The following TMPRSS12 variants were observed in gnomAD, a reference collection of about 807,000 sequenced individuals.
The protein encoded by TMPRSS12 is transmembrane protease serine 12.
Under a neutral mutation model 26.0 loss-of-function variants are expected in TMPRSS12, and 25 were observed. The ratio of observed to expected loss-of-function variants is 0.96; its 90% CI spans 0.70 to 1.34. The LOEUF is 1.34. Ranked by LOEUF, TMPRSS12 falls within the 40% of genes most tolerant of loss-of-function variation. TMPRSS12 has a pLI of 0.00. For synonymous variants in TMPRSS12, 150 were observed against 161.7 expected (o/e 0.93, Z 0.55); for missense variants, 441 against 440.1 (o/e 1.00, Z -0.02).
At chr12:50,878,095 T>C (rs773800137) in intron 3 of TMPRSS12, among the ~76,000 whole-genome samples, 1 of 151,950 alleles carries the variant, frequency 6.6e-6, no homozygotes, top group Non-Finnish European at 1.5e-5. Context: ...TATTCACAGA[T>C]TGGCCTATCA....
At chr12:50,862,105 G>A (rs907641091) in intron 3 of TMPRSS12, among the ~76,000 whole-genome samples, 22 of 152,206 alleles carry the variant, frequency 1.4e-4, no homozygotes, top group Middle Eastern at 3.4e-3. Flanking sequence ...AGGTGCACCC[G>A]GCCTAATATA....
At chr12:50,876,720 C>T (rs1336660314) in intron 3 of TMPRSS12, among the ~76,000 whole-genome samples, 6 of 142,950 alleles carry the variant, frequency 4.2e-5, no homozygotes, top group East Asian at 2.2e-4. Flanking sequence ...AGGAGAATGG[C>T]GTGAACCTGG....
At chr12:50,856,846 C>T (rs1937882887) in intron 2 of TMPRSS12, among the ~76,000 whole-genome samples, 1 of 59,882 alleles carries the variant, frequency 1.7e-5, no homozygotes. Flanking sequence ...CCACGACATC[C>T]GGCTAATTTT....
intron 2 of TMPRSS12, among the ~76,000 whole-genome samples, chr12:50,851,634 C>A (rs1346335373): frequency 6.6e-6 from 1 of 152,168 alleles, no homozygotes; most frequent in East Asian, 1.9e-4. Flanking sequence ...AGGATACTGT[C>A]CATAAAAATT....
chr12:50,850,164 C>G (rs1937812020), intron 2 of TMPRSS12, among the ~76,000 whole-genome samples: 1 of 152,110 alleles, frequency 6.6e-6, no homozygotes, highest in Admixed American at 6.5e-5. Flanking sequence ...AATGTAATCC[C>G]CAGTATTGGA....
Position 50,858,918 on chromosome 12 carries a change from GCACTTTTT to G in TMPRSS12, c.523_530del (p.Phe175LysfsTer7). 1 of 1,587,880 alleles carries G rather than the reference GCACTTTTT, an allele frequency of 6.3e-7. No individual in the cohort carries two copies. The highest frequency in any genetic ancestry group is 8.6e-7 in the Non-Finnish European group (1 of 1,165,728). ...TTTGGAATCTTATGTAAATGATATT[GCACTTTTT>G]CACTTAAAAAAAGCAGTGAGGTATA... On this transcript the variant is annotated frameshift_variant, in exon 3 of 5. Coordinates refer to ENST00000398458, the MANE Select transcript of TMPRSS12 (RefSeq NM_182559.3). LOFTEE classifies it high-confidence loss of function.
At chr12:50,847,127 C>T (rs539452408) in intron 2 of TMPRSS12, among the ~76,000 whole-genome samples, 13 of 142,332 alleles carry the variant, frequency 9.1e-5, no homozygotes, top group East Asian at 2.1e-4. Context: ...GGCGCGATCT[C>T]GGCTCACTGC....
chr12:50,872,794 G>GTCTATATATACATATATATACGTC (rs71086496), intron 3 of TMPRSS12, among the ~76,000 whole-genome samples: 11 of 12,778 alleles, frequency 8.6e-4, no homozygotes, highest in South Asian at 2.6e-3. Context: ...TATATATGAC[G>GTCTATATATACATATATATACGTC]TATATATGTA....
chr12:50,885,615 CATT>C, intron 4 of TMPRSS12: 1 of 621,306 alleles, frequency 1.6e-6, no homozygotes, highest in Non-Finnish European at 2.8e-6. Context: ...TTTTTTTAAT[CATT>C]ACCTTTGAGA....
At chr12:50,880,668 C>T (rs886426229) in intron 3 of TMPRSS12, among the ~76,000 whole-genome samples, 2 of 151,978 alleles carry the variant, frequency 1.3e-5, no homozygotes, top group Non-Finnish European at 2.9e-5. Context: ...CAAATGAAAA[C>T]ATGTCCACAC....
chr12:50,844,065 A>G, intron 2 of TMPRSS12, 28 bp downstream of exon 2: 1 of 1,485,360 alleles, frequency 6.7e-7, no homozygotes, highest in Non-Finnish European at 8.9e-7. Flanking sequence ...AACTATTTTT[A>G]TGCTCTTAGG....
intron 3 of TMPRSS12, among the ~76,000 whole-genome samples, chr12:50,877,036 G>A (rs1449356612): frequency 6.6e-6 from 1 of 151,994 alleles, no homozygotes; most frequent in Admixed American, 6.6e-5. Context: ...GGTCACAAAA[G>A]ACACCAGGGA....
chr12:50,874,366 C>T (rs1321692651), intron 3 of TMPRSS12, among the ~76,000 whole-genome samples: 1 of 152,086 alleles, frequency 6.6e-6, no homozygotes, highest in South Asian at 2.1e-4. Context: ...GGATTATATA[C>T]ACTACCTAGT....
chr12:50,865,699 G>GAA lies in TMPRSS12; in HGVS notation c.652+6657_652+6658dup, dbSNP rs5798154. The stretch of plus-strand genomic sequence containing the variant: ...CATTATACTGAAGTTGAACAACAAA[G>GAA]AAAAAAAAAAAACAGAAGATCTGAA... On this transcript the variant is annotated intron_variant, in intron 3 of 4. Coordinates refer to ENST00000398458, the MANE Select transcript of TMPRSS12 (RefSeq NM_182559.3). Among the ~76,000 whole-genome samples the GAA allele has an allele frequency of 1.5e-3, 191 of 131,010 alleles. 1 individual carries two copies. The East Asian group carries it at 0.018, about 13-fold the overall frequency. The allele number at this position is 131,010 out of a possible 152,430, so 85.9% of individuals were successfully genotyped here. A position where few individuals can be genotyped will look rare whatever the true frequency, so the allele number is the denominator to read the frequency against.
intron 3 of TMPRSS12, among the ~76,000 whole-genome samples, chr12:50,865,873 G>A (rs1937986416): frequency 6.6e-6 from 1 of 152,088 alleles, no homozygotes; most frequent in African/African-American, 2.4e-5. Context: ...TGCCATGATT[G>A]TAGGTTTCTT....
intron 3 of TMPRSS12, 150 bp from the exon 4 acceptor site, chr12:50,885,096 C>A: frequency 1.5e-6 from 1 of 649,960 alleles, no homozygotes; most frequent in South Asian, 2.4e-5. Context: ...TCTTCCTAGG[C>A]ATACATACAT....
intron 2 of TMPRSS12, among the ~76,000 whole-genome samples, chr12:50,855,313 T>G (rs577769904): frequency 6.6e-6 from 1 of 152,234 alleles, no homozygotes; most frequent in Admixed American, 6.5e-5. Flanking sequence ...GAACTATGCA[T>G]TCAGTAAAGG....
At chr12:50,850,941 G>C (rs1035115155) in intron 2 of TMPRSS12, among the ~76,000 whole-genome samples, 2 of 149,742 alleles carry the variant, frequency 1.3e-5, no homozygotes, top group Admixed American at 1.3e-4. Flanking sequence ...GGCATGCTGA[G>C]CTGAGTCTTG....
At chr12:50,856,251 T>C (rs1421869566) in intron 2 of TMPRSS12, among the ~76,000 whole-genome samples, 3 of 152,156 alleles carry the variant, frequency 2.0e-5, no homozygotes, top group Non-Finnish European at 2.9e-5. Context: ...CCCCACTTGC[T>C]ATCTTGCTCC....
Sources: gnomAD v4.1 joint callset for allele counts (sites outside exome capture counted in the v4.1 genomes callset) on GRCh38, gnomAD v4.1.1 for gene constraint, MANE v1.5 for transcripts, NCBI Gene and HGNC (gene_info 2026-07-23, HGNC 2026-07-21) for gene names.